MLF1: variants seen among roughly 807,000 people sequenced by gnomAD.
MLF1 encodes myeloid leukemia factor 1, also known as myelodysplasia-myeloid leukemia factor 1.
A neutral mutation model predicts 38.3 loss-of-function variants in MLF1; 37 were observed. The ratio of observed to expected loss-of-function variants is 0.96; its 90% CI spans 0.74 to 1.27. The LOEUF (loss-of-function observed/expected upper bound fraction) is 1.27. MLF1 is among the 50% of genes most tolerant of loss of function. The pLI, the probability that MLF1 is intolerant of heterozygous loss-of-function variation, is 0.00. For synonymous variants in MLF1, 95 were observed against 106.5 expected (o/e 0.89, Z 0.66); for missense variants, 331 against 349.2 (o/e 0.95, Z 0.42).
chr3:158,580,914 T>C (rs9864508), intron 1 of MLF1, among the ~76,000 whole-genome samples: 85,463 of 151,970 alleles, frequency 0.56, 24,925 homozygotes, highest in African/African-American at 0.72. Flanking sequence ...ACATGCCACA[T>C]TGCACTCCAG....
At chr3:158,603,659 G>A (rs777994899) in intron 7 of MLF1, among the ~76,000 whole-genome samples, 2 of 152,038 alleles carry the variant, frequency 1.3e-5, no homozygotes, top group Non-Finnish European at 2.9e-5. Context: ...CCAACATGGT[G>A]AAACCCCGTC....
intron 1 of MLF1, among the ~76,000 whole-genome samples, chr3:158,571,743 G>T (rs1036518455): frequency 9.1e-6 from 1 of 109,926 alleles, no homozygotes; most frequent in Non-Finnish European, 1.9e-5. Context: ...GTGAGGGAAG[G>T]GTTTGGGAGC....
At chr3:158,594,108 C>T (rs1038320380) in intron 3 of MLF1, among the ~76,000 whole-genome samples, 1 of 151,988 alleles carries the variant, frequency 6.6e-6, no homozygotes, top group African/African-American at 2.4e-5. Context: ...ACAGGTATAA[C>T]ATTTATCCCT....
At chr3:158,573,657 C>A (rs949526996) in intron 1 of MLF1, among the ~76,000 whole-genome samples, 1 of 151,978 alleles carries the variant, frequency 6.6e-6, no homozygotes, top group Non-Finnish European at 1.5e-5. Context: ...TGTTTTTTGC[C>A]AGTTTGAATT....
chr3:158,598,832 C>T (rs879670102), intron 5 of MLF1, among the ~76,000 whole-genome samples: 35 of 152,108 alleles, frequency 2.3e-4, no homozygotes, highest in Admixed American at 7.2e-4. Flanking sequence ...ATCATTTTCA[C>T]GCATGTTTTT....
chr3:158,584,141 C>T (rs977858232), intron 1 of MLF1, among the ~76,000 whole-genome samples: 1 of 152,116 alleles, frequency 6.6e-6, no homozygotes, highest in African/African-American at 2.4e-5. Flanking sequence ...CAACCAAAGA[C>T]AGAGTTCAGT....
rs545017508 is a variant in MLF1 at position 158,596,945 on chromosome 3, C to T, written c.324C>T (p.Phe108=). ...ATATGCAGAAATTAGAAAGAAACTT[C>T]GTAAGTACTAAAAACAAAGCATTGA... ...RNYMQKLERN[F]GQLSVDPNGH... is the part of the protein sequence containing the mutation. The change falls in exon 4 of 8, where the codon TTC becomes TTT. Residue 108 remains phenylalanine, a splice_region_variant and synonymous_variant. Transcript: ENST00000466246. 4.4e-6 allele frequency: 7 copies of T among 1,579,050 alleles called. No homozygotes were observed. The highest frequency in any genetic ancestry group is 2.3e-5 in the East Asian group (1 of 44,374).
At chr3:158,588,821 A>G in intron 1 of MLF1, 1 of 455,838 alleles carries the variant, frequency 2.2e-6, no homozygotes, top group Non-Finnish European at 4.4e-6. Flanking sequence ...TATGGCATAA[A>G]CAAACCTCAT....
chr3:158,573,864 G>A (rs917259694), intron 1 of MLF1, among the ~76,000 whole-genome samples: 4 of 152,108 alleles, frequency 2.6e-5, no homozygotes, highest in African/African-American at 9.7e-5. Flanking sequence ...GAGTGCAGTG[G>A]GTTGCTCTCG....
At chr3:158,590,112 A>G (rs1717901509) in intron 1 of MLF1, among the ~76,000 whole-genome samples, 1 of 152,254 alleles carries the variant, frequency 6.6e-6, no homozygotes, top group Non-Finnish European at 1.5e-5. Flanking sequence ...AGGCAAGTCC[A>G]AGACTGGGAA....
At chr3:158,593,661 A>G (rs1249712375) in intron 3 of MLF1, among the ~76,000 whole-genome samples, 1 of 152,172 alleles carries the variant, frequency 6.6e-6, no homozygotes, top group Non-Finnish European at 1.5e-5. Context: ...TAAAAAGTAG[A>G]TTTTATTGAA....
At chr3:158,578,431 CAAT>C (rs1196596367) in intron 1 of MLF1, among the ~76,000 whole-genome samples, 1 of 147,922 alleles carries the variant, frequency 6.8e-6, no homozygotes, top group African/African-American at 2.5e-5. Context: ...GTTTTAAAAA[CAAT>C]AAATTATTCT....
At chr3:158,576,114 A>G (rs1297872428) in intron 1 of MLF1, among the ~76,000 whole-genome samples, 1 of 152,198 alleles carries the variant, frequency 6.6e-6, no homozygotes, top group African/African-American at 2.4e-5. Context: ...TGCATCTTAA[A>G]TGTTTCTTCA....
At chr3:158,597,089 T>C (rs1253234430) in intron 4 of MLF1, 144 bp downstream of exon 4, 1 of 512,954 alleles carries the variant, frequency 1.9e-6, no homozygotes, top group Non-Finnish European at 3.5e-6. Context: ...TTTGTATACT[T>C]TATAAATATA....
intron 1 of MLF1, among the ~76,000 whole-genome samples, chr3:158,572,286 G>A (rs1393400690): frequency 1.3e-4 from 18 of 133,682 alleles, no homozygotes; most frequent in Non-Finnish European, 2.6e-4. Flanking sequence ...TGGGGGGACG[G>A]TTTGGGAGCA....
intron 1 of MLF1, among the ~76,000 whole-genome samples, chr3:158,578,380 A>AGTGTGTGTGT (rs113149645): frequency 0.1 from 15,152 of 149,372 alleles, 840 homozygotes; most frequent in Middle Eastern, 0.17. Context: ...AGGCAAAATA[A>AGTGTGTGTGT]GTGTGTGTGT....
chr3:158,592,656 A>G, intron 2 of MLF1, 75 bp downstream of exon 2: 1 of 1,159,934 alleles, frequency 8.6e-7, no homozygotes, highest in Non-Finnish European at 1.2e-6. Flanking sequence ...AGAAGTATAT[A>G]TCTATAATGA....
intron 1 of MLF1, chr3:158,591,105 T>C (rs1291266069): frequency 1.9e-6 from 1 of 514,210 alleles, no homozygotes; most frequent in Admixed American, 2.0e-5. Flanking sequence ...GACAGAATTT[T>C]TGAGCTTCCT....
At chr3:158,599,993 A>G (rs1480006236) in intron 5 of MLF1, 21 bp from the exon 6 acceptor site, 4 of 1,238,616 alleles carry the variant, frequency 3.2e-6, no homozygotes, top group Non-Finnish European at 4.2e-6. Context: ...AAATAATAAT[A>G]AAATTTCTTT....
Sources: allele counts gnomAD v4.1 joint callset (sites outside exome capture counted in the v4.1 genomes callset), GRCh38; gene constraint gnomAD v4.1.1; transcripts MANE v1.5; gene names NCBI Gene and HGNC (gene_info 2026-07-23, HGNC 2026-07-21).